HIP1: variants seen among roughly 807,000 people sequenced by gnomAD.
HIP1 encodes the protein huntingtin-interacting protein 1.
A neutral mutation model predicts 147.6 loss-of-function variants in HIP1; 65 were observed. The ratio of observed to expected loss-of-function variants is 0.44; its 90% CI spans 0.36 to 0.54. The LOEUF is 0.54. Among genes scored for constraint, HIP1 ranks in the 20% least tolerant of loss-of-function variants. HIP1 has a pLI of 0.00. For missense variants in HIP1, 1,061 were observed against 1,299.6 expected, an observed-to-expected ratio of 0.82 and a Z score of 2.82; for synonymous variants, 479 against 504.0, an observed-to-expected ratio of 0.95 and a Z score of 0.67.
In HIP1 at chr7:75,599,264, G is replaced by T; in HGVS notation, c.121-17C>A. On this transcript the variant is annotated splice_polypyrimidine_tract_variant and intron_variant, in intron 1 of 30. Coordinates refer to ENST00000336926, the MANE Select transcript of HIP1 (RefSeq NM_005338.7). ...GCTGACAGTCTGAAAAACAAGAAGG[G>T]GGGAGGGAAAGGAGGATGAGATGAA... 6.2e-7 allele frequency: 1 copy of T among 1,600,520 alleles called. No homozygotes were observed. Among genetic ancestry groups the T allele is most frequent in the Non-Finnish European group, 8.6e-7 (1 of 1,167,682 alleles).
At chr7:75,558,087 CG>C in intron 15 of HIP1, 79 bp downstream of exon 15, 4 of 1,170,904 alleles carry the variant, frequency 3.4e-6, no homozygotes, top group Non-Finnish European at 3.8e-6. Context: ...TTGCTGGCCC[CG>C]GGGAAGCCAC....
chr7:75,647,353 G>A (rs1357022282), intron 1 of HIP1, among the ~76,000 whole-genome samples: 3 of 151,584 alleles, frequency 2.0e-5, no homozygotes, highest in Non-Finnish European at 4.4e-5. Flanking sequence ...AGCAGAGATC[G>A]TGCCACTGCA....
At chr7:75,733,268 T>G (rs1584988645) in intron 1 of HIP1, among the ~76,000 whole-genome samples, 1 of 152,188 alleles carries the variant, frequency 6.6e-6, no homozygotes, top group African/African-American at 2.4e-5. Context: ...TACCAAGCTC[T>G]TTGAGTCACG....
At chr7:75,670,946 C>T (rs1292606298) in intron 1 of HIP1, among the ~76,000 whole-genome samples, 1 of 151,832 alleles carries the variant, frequency 6.6e-6, no homozygotes, top group Non-Finnish European at 1.5e-5. Context: ...TCTATCTCTA[C>T]GATTGTGACT....
At chr7:75,605,399 G>A (rs1205200922) in intron 1 of HIP1, among the ~76,000 whole-genome samples, 9 of 152,102 alleles carry the variant, frequency 5.9e-5, no homozygotes, top group African/African-American at 1.2e-4. Context: ...GTGAGGCTGC[G>A]TGTGGGAGGC....
chr7:75,559,551 T>A (rs1325102547), intron 14 of HIP1, among the ~76,000 whole-genome samples, 181 bp downstream of exon 14: 1 of 152,216 alleles, frequency 6.6e-6, no homozygotes, highest in South Asian at 2.1e-4. Context: ...CACACAGCTT[T>A]GTGCCTGCAG....
intron 1 of HIP1, among the ~76,000 whole-genome samples, chr7:75,657,895 T>TAC (rs140409882): frequency 0.032 from 4,840 of 151,514 alleles, 293 homozygotes; most frequent in Admixed American, 0.14. Context: ...AGAATTTAAA[T>TAC]ACACACACAC....
chr7:75,559,703 G>GGGGGGGC, intron 14 of HIP1, 29 bp downstream of exon 14: 3 of 1,195,140 alleles, frequency 2.5e-6, no homozygotes, highest in Non-Finnish European at 3.5e-6. Flanking sequence ...TGCCCCCGGG[G>GGGGGGGC]CCCGCCCCCG....
At chr7:75,595,187 CCTT>C (rs1167900931) in intron 2 of HIP1, among the ~76,000 whole-genome samples, 5 of 108,474 alleles carry the variant, frequency 4.6e-5, no homozygotes, top group Admixed American at 1.0e-4. Flanking sequence ...GTGTAGGAGT[CCTT>C]TCTTTCTTTC....
chr7:75,599,418 G>A (rs898681963), intron 1 of HIP1, among the ~76,000 whole-genome samples, 171 bp from the exon 2 acceptor site: 2 of 152,102 alleles, frequency 1.3e-5, no homozygotes, highest in Admixed American at 6.6e-5. Flanking sequence ...GGTGGGCAGC[G>A]CTCCCAGGAG....
At chr7:75,629,645 C>T (rs1306216996) in intron 1 of HIP1, among the ~76,000 whole-genome samples, 3 of 151,888 alleles carry the variant, frequency 2.0e-5, no homozygotes, top group East Asian at 1.9e-4. Flanking sequence ...CAGGTTCAGG[C>T]GATTCTCGTG....
At chr7:75,615,684 G>A (rs1372314374) in intron 1 of HIP1, among the ~76,000 whole-genome samples, 5 of 152,136 alleles carry the variant, frequency 3.3e-5, no homozygotes, top group African/African-American at 7.2e-5. Context: ...TGAGGTGGAG[G>A]ATCGATTGAG....
intron 1 of HIP1, 83 bp from the exon 2 acceptor site, chr7:75,599,330 C>A: frequency 9.3e-7 from 1 of 1,075,754 alleles, no homozygotes; most frequent in Non-Finnish European, 1.4e-6. Context: ...AGATGCCCGC[C>A]CCTTTCTCCT....
rs554481292 is a variant in HIP1 at position 75,656,705 on chromosome 7, G to A, written c.121-57458C>T. ...TTGGTCAGGCTGGTCTCGAACTCCCGACCTCAGGTGATCCGCCTGCCTCAG... is the reference window on the plus strand; with the variant it reads ...TTGGTCAGGCTGGTCTCGAACTCCCAACCTCAGGTGATCCGCCTGCCTCAG... On this transcript the variant is annotated intron_variant, in intron 1 of 30. Transcript: ENST00000336926. Among the ~76,000 whole-genome samples the A allele has an allele frequency of 2.1e-4, 32 of 152,272 alleles. No homozygotes were observed. In the South Asian group the frequency reaches 6.0e-3, roughly 29 times the overall value.
At chr7:75,598,773 C>A (rs1387383197) in intron 2 of HIP1, among the ~76,000 whole-genome samples, 1 of 145,982 alleles carries the variant, frequency 6.9e-6, no homozygotes, top group African/African-American at 2.8e-5. Context: ...GTGGTGCACA[C>A]CTGTAGTCCC....
At chr7:75,630,636 G>A (rs1798180810) in intron 1 of HIP1, among the ~76,000 whole-genome samples, 1 of 151,900 alleles carries the variant, frequency 6.6e-6, no homozygotes, top group African/African-American at 2.4e-5. Flanking sequence ...CCTCCTTCCA[G>A]GGGATCTTCT....
intron 1 of HIP1, among the ~76,000 whole-genome samples, chr7:75,733,286 C>T (rs1274168547): frequency 6.6e-6 from 1 of 152,110 alleles, no homozygotes; most frequent in Non-Finnish European, 1.5e-5. Flanking sequence ...ACGATGTCCT[C>T]ATCCATAAAA....
At chr7:75,677,195 CAAAAT>C (rs1799923547) in intron 1 of HIP1, among the ~76,000 whole-genome samples, 1 of 135,190 alleles carries the variant, frequency 7.4e-6, no homozygotes, top group Non-Finnish European at 1.6e-5. Context: ...AACTCCATCT[CAAAAT>C]AAAAAATAAA....
At chr7:75,678,340 CTTTT>C (rs782045169) in intron 1 of HIP1, among the ~76,000 whole-genome samples, 1 of 86,340 alleles carries the variant, frequency 1.2e-5, no homozygotes, top group African/African-American at 4.8e-5. Context: ...TTCCTTTATT[CTTTT>C]TTTTTTTTTT....
Sources: gnomAD v4.1 joint callset for allele counts (sites outside exome capture counted in the v4.1 genomes callset) on GRCh38, gnomAD v4.1.1 for gene constraint, MANE v1.5 for transcripts, NCBI Gene and HGNC (gene_info 2026-07-23, HGNC 2026-07-21) for gene names.